Variants in LRRIQ1 observed in about 807,000 individuals in gnomAD.
LRRIQ1 encodes leucine-rich repeat- and IQ domain-containing protein 1.
LRRIQ1 carries 210 observed loss-of-function variants against 211.9 expected under a neutral mutation model. That is an observed-to-expected ratio of 0.99 (90% CI 0.89 to 1.11). The LOEUF is 1.11. LRRIQ1 is among the 50% of genes most tolerant of loss of function. The pLI is 0.00. For synonymous variants in LRRIQ1, 699 were observed against 650.1 expected (o/e 1.08, Z -1.14); for missense variants, 2,136 against 1,939.5 (o/e 1.10, Z -1.90).
At chr12:85,139,587 T>C (rs926959538) in intron 19 of LRRIQ1, among the ~76,000 whole-genome samples, 1 of 151,388 alleles carries the variant, frequency 6.6e-6, no homozygotes, top group Non-Finnish European at 1.5e-5. Flanking sequence ...TTATAAACTT[T>C]TCAATTTTTT....
intron 24 of LRRIQ1, among the ~76,000 whole-genome samples, chr12:85,163,053 C>A (rs1345927529): frequency 1.3e-5 from 2 of 152,150 alleles, no homozygotes; most frequent in African/African-American, 4.8e-5. Flanking sequence ...TCTTTAACTG[C>A]TGCTCTGGAA....
At chr12:85,260,893 A>G (rs1896265918) in intron 1 of LRRIQ1, among the ~76,000 whole-genome samples, 1 of 152,212 alleles carries the variant, frequency 6.6e-6, no homozygotes, top group African/African-American at 2.4e-5. Flanking sequence ...TTAGGCCAAT[A>G]GTTTATCATC....
chr12:85,065,354 T>C lies in LRRIQ1; in HGVS notation c.2484T>C (p.Cys828=). The change falls in exon 9 of 27, where the codon TGT becomes TGC. Residue 828 remains cysteine, a synonymous_variant. Coordinates refer to ENST00000393217, the MANE Select transcript of LRRIQ1 (RefSeq NM_001079910.2). ...TNLQFLSLRR[C]GLTSLHSLSN... is the part of the protein sequence containing the mutation. ...TTCAGTTTCTATCCCTTCGACGCTG[T>C]GGATTAACTTCTTTGCACAGCCTGA... The C allele has an allele frequency of 6.2e-7, 1 of 1,610,982 alleles. No homozygotes were observed.
chr12:85,201,973 T>G (rs766167347), intron 24 of LRRIQ1, among the ~76,000 whole-genome samples: 3 of 152,168 alleles, frequency 2.0e-5, no homozygotes, highest in Non-Finnish European at 2.9e-5. Flanking sequence ...GTGTCCCAGA[T>G]ATTCTAGTAT....
At chr12:85,208,035 T>C (rs1228727378) in intron 24 of LRRIQ1, among the ~76,000 whole-genome samples, 2 of 151,934 alleles carry the variant, frequency 1.3e-5, no homozygotes, top group African/African-American at 2.4e-5. Flanking sequence ...TTCAAATTTA[T>C]GTTTTTAGTT....
intron 11 of LRRIQ1, among the ~76,000 whole-genome samples, chr12:85,086,181 A>G (rs1235051510): frequency 1.3e-5 from 2 of 152,162 alleles, no homozygotes; most frequent in East Asian, 3.9e-4. Context: ...TTCTCTAATG[A>G]TAAGTGACGC....
intron 6 of LRRIQ1, 85 bp downstream of exon 6, chr12:85,047,555 A>G: frequency 8.7e-7 from 1 of 1,145,826 alleles, no homozygotes; most frequent in Non-Finnish European, 1.3e-6. Flanking sequence ...TTGCAGATTG[A>G]GCTTAATAGT....
chr12:85,262,870 T>G (rs1259662005), intron 1 of LRRIQ1: 4 of 879,032 alleles, frequency 4.6e-6, no homozygotes, highest in Non-Finnish European at 5.5e-6. Flanking sequence ...TATAATGTAT[T>G]TGGTTCATAT....
At chr12:85,101,327 GAC>G (rs1435226256) in intron 13 of LRRIQ1, among the ~76,000 whole-genome samples, 1 of 151,714 alleles carries the variant, frequency 6.6e-6, no homozygotes, top group Non-Finnish European at 1.5e-5. Flanking sequence ...TTTTCAGTAA[GAC>G]ATGTGACTGT....
intron 24 of LRRIQ1, among the ~76,000 whole-genome samples, chr12:85,206,311 A>G (rs988622638): frequency 1.3e-5 from 2 of 152,114 alleles, no homozygotes; most frequent in Non-Finnish European, 1.5e-5. Context: ...TCCATCTACA[A>G]GTGGTAGTGG....
At chr12:85,106,410 TA>T in intron 14 of LRRIQ1, 111 bp from the exon 15 acceptor site, 1 of 718,818 alleles carries the variant, frequency 1.4e-6, no homozygotes, top group South Asian at 1.9e-5. Flanking sequence ...GCAGAAGAAA[TA>T]AAAATATTGC....
chr12:85,072,874 T>C (rs746613431), intron 10 of LRRIQ1, 33 bp from the exon 11 acceptor site: 3 of 1,500,662 alleles, frequency 2.0e-6, no homozygotes, highest in South Asian at 1.2e-5. Context: ...ATTCGTCTTA[T>C]ATATTTGGTC....
At chr12:85,214,324 C>G (rs1893976449) in intron 24 of LRRIQ1, among the ~76,000 whole-genome samples, 1 of 152,032 alleles carries the variant, frequency 6.6e-6, no homozygotes, top group Admixed American at 6.6e-5. Flanking sequence ...TTAAATCCCA[C>G]AAGGTGTTTA....
At chr12:85,257,881 T>C (rs1896166586) in intron 1 of LRRIQ1, among the ~76,000 whole-genome samples, 1 of 151,904 alleles carries the variant, frequency 6.6e-6, no homozygotes, top group African/African-American at 2.4e-5. Context: ...CCAGCCATCA[T>C]TTTGCAAACA....
chr12:85,128,483 C>T (rs1362293179), intron 18 of LRRIQ1, among the ~76,000 whole-genome samples: 1 of 152,072 alleles, frequency 6.6e-6, no homozygotes, highest in African/African-American at 2.4e-5. Flanking sequence ...ACCTGTAGTC[C>T]TAGCTACTTG....
chr12:85,083,109 G>C (rs576825634), intron 11 of LRRIQ1, among the ~76,000 whole-genome samples: 2 of 152,154 alleles, frequency 1.3e-5, no homozygotes, highest in African/African-American at 4.8e-5. Flanking sequence ...GCTGATTGAT[G>C]TTCCAGGTTT....
intron 24 of LRRIQ1, among the ~76,000 whole-genome samples, chr12:85,165,533 C>A (rs1277643103): frequency 2.8e-5 from 4 of 141,690 alleles, no homozygotes; most frequent in Non-Finnish European, 6.0e-5. Context: ...AGTGCAGTGA[C>A]ACTATCTCTT....
chr12:85,245,395 G>A (rs1424427964), downstream of LRRIQ1, among the ~76,000 whole-genome samples: 2 of 150,920 alleles, frequency 1.3e-5, no homozygotes, highest in Non-Finnish European at 3.0e-5. Context: ...CATTGCATAT[G>A]TAAGAGTTTG....
chr12:85,259,892 A>G (rs374853870), intron 1 of LRRIQ1, among the ~76,000 whole-genome samples: 1 of 152,088 alleles, frequency 6.6e-6, no homozygotes, highest in East Asian at 1.9e-4. Context: ...TTCAAATACA[A>G]CATAATAATA....
Sources: allele counts gnomAD v4.1 joint callset (sites outside exome capture counted in the v4.1 genomes callset), GRCh38; gene constraint gnomAD v4.1.1; transcripts MANE v1.5; gene names NCBI Gene and HGNC (gene_info 2026-07-23, HGNC 2026-07-21).